Variants in LARS2 observed in about 807,000 individuals in gnomAD.
LARS2 encodes the protein leucine--tRNA ligase, mitochondrial.
In LARS2, 81 loss-of-function variants were observed where a neutral mutation model predicts 116.6. The observed-to-expected ratio is 0.69, with a 90% CI of 0.58 to 0.84. The LOEUF (loss-of-function observed/expected upper bound fraction) is 0.84, where lower values mean the gene tolerates loss of function less well. LARS2 is among the 40% of genes least tolerant of loss of function. The probability of loss-of-function intolerance (pLI) is 0.00; values close to 1 mark genes in which losing one functional copy is unlikely to be tolerated. For missense variants in LARS2, 968 were observed against 1,114.5 expected (o/e 0.87, Z 1.87); for synonymous variants, 396 against 407.2 (o/e 0.97, Z 0.33).
chr3:45,458,935 GCAA>G, intron 8 of LARS2, 49 bp downstream of exon 8: 2 of 1,596,576 alleles, frequency 1.3e-6, no homozygotes, highest in East Asian at 4.5e-5. Context: ...ATGCTGGCAG[GCAA>G]CACCAAAGGC....
chr3:45,399,760 C>G (rs1698111791), intron 3 of LARS2, among the ~76,000 whole-genome samples: 1 of 151,742 alleles, frequency 6.6e-6, no homozygotes, highest in South Asian at 2.1e-4. Flanking sequence ...AGGCTGTACT[C>G]TATTTGTAGT....
At chr3:45,483,096 A>G (rs1037434241) in intron 10 of LARS2, among the ~76,000 whole-genome samples, 1 of 152,198 alleles carries the variant, frequency 6.6e-6, no homozygotes, top group African/African-American at 2.4e-5. Context: ...GTCCAACTCA[A>G]CATTCTATTG....
rs79615067 is a variant in LARS2 at position 45,466,386 on chromosome 3, G to T, written c.750+7500G>T. On this transcript the variant is annotated intron_variant, in intron 8 of 21. Coordinates refer to ENST00000645846, the MANE Select transcript of LARS2 (RefSeq NM_015340.4). ...AAACTTGAGAGAGCATTTAGCTCGG[G>T]TCTCTTTTTAATCCCTGCCCTGATC... Among the ~76,000 whole-genome samples, 508 of 152,246 alleles carry T rather than the reference G, an allele frequency of 3.3e-3. 3 individuals are homozygous for T. Among genetic ancestry groups the T allele is most frequent in the African/African-American group, 9.7e-3 (402 of 41,526 alleles).
At chr3:45,456,864 T>A (rs1368128919) in intron 7 of LARS2, among the ~76,000 whole-genome samples, 1 of 152,206 alleles carries the variant, frequency 6.6e-6, no homozygotes, top group Non-Finnish European at 1.5e-5. Context: ...GCCCACAAAT[T>A]ACAACCCACA....
At chr3:45,530,142 A>G (rs1337304833) in intron 20 of LARS2, among the ~76,000 whole-genome samples, 1 of 152,224 alleles carries the variant, frequency 6.6e-6, no homozygotes, top group East Asian at 1.9e-4. Context: ...TTCCAGTTTA[A>G]CAATATGATA....
At chr3:45,515,714 A>G (rs545841239) in intron 16 of LARS2, among the ~76,000 whole-genome samples, 1 of 152,326 alleles carries the variant, frequency 6.6e-6, no homozygotes, top group East Asian at 1.9e-4. Flanking sequence ...CAACTTCCAT[A>G]AGAGACCCTT....
At chr3:45,415,267 T>C (rs1365043074) in intron 4 of LARS2, among the ~76,000 whole-genome samples, 1 of 152,206 alleles carries the variant, frequency 6.6e-6, no homozygotes, top group African/African-American at 2.4e-5. Flanking sequence ...GATTTGTGAT[T>C]CCTTGTTCTT....
chr3:45,488,725 C>A lies in LARS2; in HGVS notation c.1152C>A (p.Thr384=). 2 of 1,613,182 alleles carry A rather than the reference C, an allele frequency of 1.2e-6. No individual in the cohort carries two copies. Among genetic ancestry groups the A allele is most frequent in the Non-Finnish European group, 1.7e-6 (2 of 1,179,106 alleles). ...IGIPSTSSED[T]ILAQTLGLAY... is the part of the protein sequence containing the mutation. Reference sequence around the variant, plus strand: ...TTCCCAGTACTAGCTCAGAGGACACCATCTTAGCCCAAACCCTGGGCCTGG... The same window carrying A: ...TTCCCAGTACTAGCTCAGAGGACACAATCTTAGCCCAAACCCTGGGCCTGG... Residue 384 remains threonine, a synonymous_variant, in exon 12 of 22, where the codon ACC becomes ACA. Coordinates refer to ENST00000645846, the MANE Select transcript of LARS2 (RefSeq NM_015340.4).
intron 3 of LARS2, among the ~76,000 whole-genome samples, chr3:45,396,079 A>G (rs1249317278): frequency 1.3e-5 from 2 of 152,232 alleles, no homozygotes; most frequent in Non-Finnish European, 2.9e-5. Flanking sequence ...TGACTTCCAA[A>G]TGTTTTGATG....
Position 45,544,259 on chromosome 3 carries a change from G to T in LARS2, c.2532+2303G>T, listed in dbSNP as rs147040469. ...ACCGCCTTGTCACCTTGGAACAAAG[G>T]TCTGGGGGCACATGAGCTGTCACAC... On this transcript the variant is annotated intron_variant, in intron 21 of 21. Transcript: ENST00000645846. Among the ~76,000 whole-genome samples, 3 of 152,266 alleles carry T rather than the reference G, an allele frequency of 2.0e-5. No homozygotes were observed. The South Asian group carries it at 6.2e-4, about 31-fold the overall frequency.
intron 4 of LARS2, among the ~76,000 whole-genome samples, chr3:45,410,872 CTA>C (rs1241982165): frequency 1.3e-5 from 2 of 152,146 alleles, no homozygotes; most frequent in Admixed American, 1.3e-4. Flanking sequence ...CGTACTAACA[CTA>C]TATTAAGTTG....
At chr3:45,460,137 T>A (rs766516056) in intron 8 of LARS2, among the ~76,000 whole-genome samples, 4 of 152,248 alleles carry the variant, frequency 2.6e-5, no homozygotes, top group African/African-American at 4.8e-5. Flanking sequence ...AGACATGTCT[T>A]AAATGAGGTT....
chr3:45,449,245 C>T (rs1699074352), intron 7 of LARS2, among the ~76,000 whole-genome samples: 1 of 149,860 alleles, frequency 6.7e-6, no homozygotes, highest in African/African-American at 2.5e-5. Context: ...TCACTGCAAC[C>T]TCCGCCTCCC....
intron 4 of LARS2, among the ~76,000 whole-genome samples, chr3:45,415,737 A>T (rs1698402254): frequency 6.6e-6 from 1 of 151,818 alleles, no homozygotes; most frequent in African/African-American, 2.4e-5. Flanking sequence ...AATCCCAGCT[A>T]CTGGGGAGGC....
chr3:45,504,242 C>A (rs953868072), intron 15 of LARS2, among the ~76,000 whole-genome samples: 3 of 152,014 alleles, frequency 2.0e-5, no homozygotes, highest in African/African-American at 7.2e-5. Context: ...AGTCCTAACA[C>A]TGGGGAATTC....
At chr3:45,517,373 A>G (rs1348297262) in intron 17 of LARS2, among the ~76,000 whole-genome samples, 1 of 152,214 alleles carries the variant, frequency 6.6e-6, no homozygotes, top group Non-Finnish European at 1.5e-5. Context: ...AGAAGATCAG[A>G]CCAGCAGCTG....
At chr3:45,391,754 C>A (rs1238456233) in intron 2 of LARS2, 106 bp downstream of exon 2, 2 of 151,896 alleles carry the variant, frequency 1.3e-5, no homozygotes, top group Admixed American at 1.3e-4. Flanking sequence ...TTTTAAATAC[C>A]CAGATCTGTT....
Position 45,500,567 on chromosome 3 carries a change from T to C in LARS2, c.1748T>C (p.Met583Thr), listed in dbSNP as rs1700101291. The change falls in exon 15 of 22, where the codon ATG (methionine) becomes ACG (threonine). Residue 583 changes from methionine to threonine, a missense_variant. Transcript: ENST00000645846. The stretch of plus-strand genomic sequence containing the variant: ...AGTCATTTTTGCCATGATCAAAAAA[T>C]GGTTAAACATAGGTAAGCACTTATA... ...FFSHFCHDQK[M>T]VKHREPFHKL... is the part of the protein sequence containing the mutation. The C allele has an allele frequency of 3.2e-6, 5 of 1,568,368 alleles. No individual in the cohort carries two copies. Among genetic ancestry groups the C allele is most frequent in the Admixed American group, 2.1e-5 (1 of 47,844 alleles).
intron 4 of LARS2, among the ~76,000 whole-genome samples, chr3:45,412,383 G>A (rs1698344711): frequency 6.6e-6 from 1 of 152,074 alleles, no homozygotes; most frequent in Non-Finnish European, 1.5e-5. Flanking sequence ...CTATATATGT[G>A]TACATATGTT....
Sources: allele counts gnomAD v4.1 joint callset (sites outside exome capture counted in the v4.1 genomes callset), GRCh38; gene constraint gnomAD v4.1.1; transcripts MANE v1.5; gene names NCBI Gene and HGNC (gene_info 2026-07-23, HGNC 2026-07-21).